The following NAAA variants were observed in gnomAD, a reference collection of about 807,000 sequenced individuals.
The protein encoded by NAAA is N-acylethanolamine-hydrolyzing acid amidase.
NAAA carries 39 observed loss-of-function variants against 44.8 expected under a neutral mutation model. That is an observed-to-expected ratio of 0.87 (90% CI 0.67 to 1.14). The LOEUF is 1.14. Ranked by LOEUF, NAAA falls within the 50% of genes most tolerant of loss-of-function variation. The pLI is 0.00. For missense variants in NAAA, 460 were observed against 467.8 expected, an observed-to-expected ratio of 0.98 and a Z score of 0.15; for synonymous variants, 178 against 191.3, an observed-to-expected ratio of 0.93 and a Z score of 0.58.
intron 3 of NAAA, among the ~76,000 whole-genome samples, chr4:75,933,109 T>C (rs1293066308): frequency 1.4e-5 from 2 of 141,298 alleles, no homozygotes; most frequent in Non-Finnish European, 3.0e-5. Flanking sequence ...CACTCCAGCC[T>C]GTGACAGAAC....
At position 75,925,361 on chromosome 4, in the gene NAAA, C is replaced by T. The variant is rs148776951; in HGVS notation, c.666+374G>A. On this transcript the variant is annotated intron_variant, in intron 5 of 10. Coordinates refer to ENST00000286733, the MANE Select transcript of NAAA (RefSeq NM_014435.4). ...GGAGCATAACTTCTAAGTTCCAGTT[C>T]GCAAACTCAAATTGGTTTCACATGA... 1.1e-3 allele frequency among the ~76,000 whole-genome samples: 174 copies of T among 152,288 alleles called. 2 individuals carry two copies. Among genetic ancestry groups the T allele is most frequent in the African/African-American group, 4.0e-3 (166 of 41,570 alleles).
In NAAA at chr4:75,940,076, A is replaced by G; in HGVS notation, c.296T>C (p.Ile99Thr). Residue 99 changes from isoleucine (I) to threonine (T), a missense_variant, in exon 2 of 11, where the codon ATC (isoleucine) becomes ACC (threonine). Coordinates refer to ENST00000286733, the MANE Select transcript of NAAA (RefSeq NM_014435.4). ...GTTCATGAAGTCACACATGCCGCGG[A>G]TCTCGCCGGTGAAGGGCTGGGGCAG... ...RFLPQPFTGE[I>T]RGMCDFMNLS... is the part of the protein sequence containing the mutation. 1 of 1,614,062 alleles carries G rather than the reference A, an allele frequency of 6.2e-7. No homozygotes were observed. Among genetic ancestry groups the G allele is most frequent in the Non-Finnish European group, 8.5e-7 (1 of 1,180,028 alleles).
chr4:75,916,778 CTTTTTTTTT>C (rs35739236), intron 9 of NAAA, among the ~76,000 whole-genome samples: 1,932 of 77,024 alleles, frequency 0.025, 32 homozygotes, highest in Middle Eastern at 0.082. Flanking sequence ...TTCATCACTT[CTTTTTTTTT>C]TTTTTTTTTT....
intron 4 of NAAA, among the ~76,000 whole-genome samples, chr4:75,927,520 G>A (rs1205605838): frequency 6.6e-6 from 1 of 151,690 alleles, no homozygotes. Context: ...CCAGCACTTT[G>A]GGAAGAAGCC....
chr4:75,937,079 T>C (rs1435202314), intron 2 of NAAA, among the ~76,000 whole-genome samples: 2 of 152,210 alleles, frequency 1.3e-5, no homozygotes, highest in African/African-American at 4.8e-5. Flanking sequence ...GTTACTTTTA[T>C]AATTGGGGAA....
At chr4:75,914,359 G>A (rs916808571) in intron 10 of NAAA, 21 bp from the exon 11 acceptor site, 4 of 931,006 alleles carry the variant, frequency 4.3e-6, no homozygotes, top group African/African-American at 1.8e-5. Context: ...AGAAAAAAAC[G>A]CATTTAATTC....
intron 4 of NAAA, among the ~76,000 whole-genome samples, chr4:75,928,367 T>C (rs1448982401): frequency 6.6e-6 from 1 of 152,178 alleles, no homozygotes; most frequent in Non-Finnish European, 1.5e-5. Flanking sequence ...GGGGGCTAGC[T>C]CAGCAGTGGA....
At position 75,940,844 on chromosome 4, in the gene NAAA, A is replaced by C; in HGVS notation, c.106T>G (p.Phe36Val). 1 of 1,589,334 alleles carries C rather than the reference A, an allele frequency of 6.3e-7. No homozygotes were observed. Among genetic ancestry groups the C allele is most frequent in the Non-Finnish European group, 8.5e-7 (1 of 1,175,822 alleles). ...SAASPPAAPR[F>V]NVSLDSVPEL... ...GGGACCGAGTCCAGGCTCACGTTGA[A>C]GCGCGGCGCTGCTGGGGGCGAGGCG... The change falls in exon 1 of 11, where the codon TTC becomes GTC. Residue 36 changes from phenylalanine (F) to valine (V), a missense_variant. Transcript: ENST00000286733.
At chr4:75,928,225 A>G (rs1726911686) in intron 4 of NAAA, among the ~76,000 whole-genome samples, 1 of 152,186 alleles carries the variant, frequency 6.6e-6, no homozygotes, top group Non-Finnish European at 1.5e-5. Context: ...AAATCATGCA[A>G]TATCTGTCAC....
chr4:75,920,142 T>A (rs901432065), intron 7 of NAAA, among the ~76,000 whole-genome samples, 167 bp from the exon 8 acceptor site: 1 of 152,084 alleles, frequency 6.6e-6, no homozygotes, highest in African/African-American at 2.4e-5. Context: ...CCCACCACAG[T>A]GGAATTCATC....
At chr4:75,932,889 C>A (rs1727360716) in intron 3 of NAAA, among the ~76,000 whole-genome samples, 1 of 152,118 alleles carries the variant, frequency 6.6e-6, no homozygotes, top group African/African-American at 2.4e-5. Context: ...AATCCCAGCA[C>A]TTTGGGAGGC....
chr4:75,912,514 A>G (rs1578025686), downstream of NAAA, among the ~76,000 whole-genome samples: 5 of 150,534 alleles, frequency 3.3e-5, no homozygotes, highest in East Asian at 1.0e-3. Flanking sequence ...AGATCGTGCC[A>G]TCGCACTCCA....
intron 5 of NAAA, among the ~76,000 whole-genome samples, chr4:75,924,143 TG>T (rs747502233): frequency 1.3e-5 from 2 of 152,246 alleles, no homozygotes; most frequent in Non-Finnish European, 2.9e-5. Context: ...AACCTCACAC[TG>T]GTGTGTCCGC....
intron 7 of NAAA, 80 bp downstream of exon 7, chr4:75,920,658 T>G (rs1726063247): frequency 6.4e-7 from 1 of 1,552,744 alleles, no homozygotes; most frequent in African/African-American, 1.4e-5. Flanking sequence ...CCATAGGTCT[T>G]GCCAGTTCCT....
intron 4 of NAAA, among the ~76,000 whole-genome samples, chr4:75,930,791 A>G (rs1727160556): frequency 6.6e-6 from 1 of 152,070 alleles, no homozygotes; most frequent in African/African-American, 2.4e-5. Context: ...GTCACTACCC[A>G]CTTACTCCCA....
intron 9 of NAAA, chr4:75,916,977 A>C: frequency 3.9e-6 from 1 of 257,262 alleles, no homozygotes; most frequent in Non-Finnish European, 6.1e-6. Flanking sequence ...ATGAGGTTTC[A>C]CCATGTTGGC....
At position 75,920,932 on chromosome 4, in the gene NAAA, A is replaced by T; in HGVS notation, c.839+19T>A. 2 of 1,613,686 alleles carry T rather than the reference A, an allele frequency of 1.2e-6. No individual in the cohort carries two copies. The highest frequency in any genetic ancestry group is 1.7e-5 in the Admixed American group (1 of 59,838). On this transcript the variant is annotated intron_variant, in intron 6 of 10. Transcript: ENST00000286733. ...TGATTATCTGATACAAAATGACCAG[A>T]GCTTTCAATTCTACTTACGCTCCAT...
Position 75,914,334 on chromosome 4 carries a change from A to G in NAAA, c.*41T>C, listed in dbSNP as rs2149239115. The G allele has an allele frequency of 2.0e-6, 2 of 981,028 alleles. No individual in the cohort carries two copies. The highest frequency in any genetic ancestry group is 9.5e-5 in the South Asian group (2 of 21,162). 60.8% of individuals were successfully genotyped at this position (981,028 alleles called of 1,614,324 possible). On this transcript the variant is annotated 3_prime_UTR_variant, in exon 11 of 11. Coordinates refer to ENST00000286733, the MANE Select transcript of NAAA (RefSeq NM_014435.4). Reference sequence around the variant, plus strand: ...CTTCAAGAATTTCATTTTTTAAAAAATCATCTGTAAGGGAAGAAAAAAACG... The same window carrying G: ...CTTCAAGAATTTCATTTTTTAAAAAGTCATCTGTAAGGGAAGAAAAAAACG...
chr4:75,917,044 AC>A (rs1725690637), intron 9 of NAAA: 1 of 863,122 alleles, frequency 1.2e-6, no homozygotes, highest in African/African-American at 1.9e-5. Flanking sequence ...CTTCCAAAGT[AC>A]TAGGATTACA....
Sources: gnomAD v4.1 joint callset for allele counts (sites outside exome capture counted in the v4.1 genomes callset) on GRCh38, gnomAD v4.1.1 for gene constraint, MANE v1.5 for transcripts, NCBI Gene and HGNC (gene_info 2026-07-23, HGNC 2026-07-21) for gene names.